RASA2: variants seen among roughly 807,000 people sequenced by gnomAD.
RASA2 encodes ras GTPase-activating protein 2.
A neutral mutation model predicts 118.2 loss-of-function variants in RASA2; 155 were observed. The observed-to-expected ratio is 1.31, with a 90% CI of 1.15 to 1.50. The LOEUF (loss-of-function observed/expected upper bound fraction) is 1.50. RASA2 is among the 40% of genes most tolerant of loss of function. The pLI is 0.00. For synonymous variants in RASA2, 353 were observed against 349.1 expected (o/e 1.01, Z -0.12); for missense variants, 1,016 against 1,009.6 (o/e 1.01, Z -0.09).
chr3:141,545,115 C>A (rs770114539), intron 5 of RASA2, among the ~76,000 whole-genome samples: 5 of 152,260 alleles, frequency 3.3e-5, no homozygotes, highest in Non-Finnish European at 5.9e-5. Context: ...ATATAACAGA[C>A]CTGCACATGT....
chr3:141,554,414 G>A (rs1248703414), intron 6 of RASA2, among the ~76,000 whole-genome samples: 1 of 152,142 alleles, frequency 6.6e-6, no homozygotes, highest in East Asian at 1.9e-4. Flanking sequence ...AATTCCAACT[G>A]TAGAAAAACT....
intron 1 of RASA2, among the ~76,000 whole-genome samples, chr3:141,502,798 G>A (rs1197596522): frequency 6.6e-6 from 1 of 152,120 alleles, no homozygotes; most frequent in Admixed American, 6.5e-5. Flanking sequence ...CAGGACCCTG[G>A]CTCTTTGCAG....
chr3:141,537,649 G>T (rs984182497), intron 4 of RASA2, among the ~76,000 whole-genome samples: 3 of 152,014 alleles, frequency 2.0e-5, no homozygotes, highest in Non-Finnish European at 2.9e-5. Context: ...CATGCCTGTA[G>T]TCCCAGCTAC....
At chr3:141,568,443 A>C (rs2082859789) in intron 9 of RASA2, among the ~76,000 whole-genome samples, 1 of 152,118 alleles carries the variant, frequency 6.6e-6, no homozygotes, top group Admixed American at 6.5e-5. Flanking sequence ...CAGGTTCCTA[A>C]GAGAAGCGGA....
rs557103342 is a variant in RASA2, at chr3:141,515,600, T to C, written c.252-728T>C. On this transcript the variant is annotated intron_variant, in intron 2 of 23. Coordinates refer to ENST00000286364, the MANE Select transcript of RASA2 (RefSeq NM_006506.5). ...TTTTAGTCCATAATTTCATTAACTT[T>C]ATTGAAAGTGATATTATTTGGCCAG... Among the ~76,000 whole-genome samples, 131 of 152,284 alleles carry C rather than the reference T, an allele frequency of 8.6e-4. 1 individual carries two copies. The highest frequency in any genetic ancestry group is 3.1e-3 in the African/African-American group (128 of 41,560).
intron 7 of RASA2, 38 bp downstream of exon 7, chr3:141,555,950 TG>T: frequency 1.3e-5 from 19 of 1,460,418 alleles, no homozygotes; most frequent in Non-Finnish European, 1.7e-5. Context: ...ACATTAAATA[TG>T]TAATATTTAA....
At chr3:141,534,172 C>T (rs904647555) in intron 4 of RASA2, among the ~76,000 whole-genome samples, 1 of 152,180 alleles carries the variant, frequency 6.6e-6, no homozygotes, top group African/African-American at 2.4e-5. Flanking sequence ...TCCTGTAACT[C>T]ACCAGGAACA....
At chr3:141,606,987 G>T (rs766930464) in intron 19 of RASA2, among the ~76,000 whole-genome samples, 2 of 152,110 alleles carry the variant, frequency 1.3e-5, no homozygotes. Context: ...CAGGTAAATC[G>T]TTAAGTTGAA....
intron 14 of RASA2, among the ~76,000 whole-genome samples, chr3:141,576,704 T>A (rs1431606160): frequency 6.6e-6 from 1 of 152,238 alleles, no homozygotes; most frequent in Non-Finnish European, 1.5e-5. Flanking sequence ...TCTGTTGTAA[T>A]TTTAGCAGTC....
At chr3:141,492,500 A>G (rs1038736676) in intron 1 of RASA2, among the ~76,000 whole-genome samples, 1 of 152,246 alleles carries the variant, frequency 6.6e-6, no homozygotes, top group Non-Finnish European at 1.5e-5. Flanking sequence ...TTGTATCAGT[A>G]CACATACAGA....
intron 5 of RASA2, among the ~76,000 whole-genome samples, chr3:141,548,341 T>C (rs2151109201): frequency 6.6e-6 from 1 of 152,334 alleles, no homozygotes; most frequent in Middle Eastern, 3.4e-3. Context: ...CTTTTTACTG[T>C]GGCTTCAATT....
chr3:141,495,833 A>G (rs942870334), intron 1 of RASA2, among the ~76,000 whole-genome samples: 3 of 152,224 alleles, frequency 2.0e-5, no homozygotes, highest in Admixed American at 6.5e-5. Flanking sequence ...AGGAAAATGG[A>G]TAATATGTTC....
chr3:141,566,947 A>G (rs1427729081), intron 9 of RASA2, among the ~76,000 whole-genome samples: 3 of 152,166 alleles, frequency 2.0e-5, no homozygotes, highest in Non-Finnish European at 2.9e-5. Context: ...TACTGAAAAT[A>G]AAATCGTGGG....
chr3:141,522,842 G>T (rs2082131287), intron 3 of RASA2, among the ~76,000 whole-genome samples: 1 of 152,124 alleles, frequency 6.6e-6, no homozygotes, highest in African/African-American at 2.4e-5. Context: ...GGCTTTTCTG[G>T]TCCCTGGACT....
chr3:141,520,697 T>C (rs1249614321), intron 3 of RASA2, among the ~76,000 whole-genome samples: 1 of 152,184 alleles, frequency 6.6e-6, no homozygotes, highest in Non-Finnish European at 1.5e-5. Flanking sequence ...TACACAGATA[T>C]ATATACACAC....
At chr3:141,504,495 C>G (rs989399995) in intron 1 of RASA2, among the ~76,000 whole-genome samples, 2 of 152,122 alleles carry the variant, frequency 1.3e-5, no homozygotes, top group Non-Finnish European at 2.9e-5. Flanking sequence ...CTTGACTACT[C>G]TATTTCTCAC....
chr3:141,511,148 G>C (rs1490357539), intron 1 of RASA2, among the ~76,000 whole-genome samples: 1 of 152,168 alleles, frequency 6.6e-6, no homozygotes, highest in African/African-American at 2.4e-5. Flanking sequence ...GGGAAATAGA[G>C]GATGGTGAGA....
chr3:141,536,749 C>G (rs1409220263), intron 4 of RASA2, among the ~76,000 whole-genome samples: 2 of 151,100 alleles, frequency 1.3e-5, no homozygotes, highest in Admixed American at 1.3e-4. Flanking sequence ...AAACATAGTA[C>G]CTTGTTAGAT....
chr3:141,583,280 C>T (rs1169383210), intron 17 of RASA2, among the ~76,000 whole-genome samples: 1 of 151,944 alleles, frequency 6.6e-6, no homozygotes, highest in African/African-American at 2.4e-5. Flanking sequence ...AAAAAATTAG[C>T]CAGGCCTGGT....
Sources: allele counts gnomAD v4.1 joint callset (sites outside exome capture counted in the v4.1 genomes callset), GRCh38; gene constraint gnomAD v4.1.1; transcripts MANE v1.5; gene names NCBI Gene and HGNC (gene_info 2026-07-23, HGNC 2026-07-21).